ACOT7: variants seen among roughly 807,000 people sequenced by gnomAD.
ACOT7 encodes cytosolic acyl coenzyme A thioester hydrolase.
A neutral mutation model predicts 40.2 loss-of-function variants in ACOT7; 12 were observed. The observed-to-expected ratio is 0.30, with a 90% CI of 0.19 to 0.48. The LOEUF (loss-of-function observed/expected upper bound fraction) is 0.48, where lower values mean the gene tolerates loss of function less well. Among genes scored for constraint, ACOT7 ranks in the 20% least tolerant of loss-of-function variants. The pLI is 0.99. For missense variants in ACOT7, 395 were observed against 530.8 expected (o/e 0.74, Z 2.51); for synonymous variants, 228 against 219.5 (o/e 1.04, Z -0.34).
At chr1:6,328,618 G>A (rs1640870107) in intron 4 of ACOT7, among the ~76,000 whole-genome samples, 1 of 152,098 alleles carries the variant, frequency 6.6e-6, no homozygotes, top group Non-Finnish European at 1.5e-5. Flanking sequence ...GGAGATGGAG[G>A]TTGCAGTGAG....
intron 1 of ACOT7, among the ~76,000 whole-genome samples, chr1:6,372,476 T>A (rs911997782): frequency 6.6e-6 from 1 of 152,216 alleles, no homozygotes; most frequent in Non-Finnish European, 1.5e-5. Flanking sequence ...GGCTAACTGT[T>A]TGGCACACGA....
intron 5 of ACOT7, 117 bp from the exon 6 acceptor site, chr1:6,318,695 G>A (rs1486095014): frequency 5.1e-6 from 5 of 983,790 alleles, no homozygotes; most frequent in South Asian, 2.8e-5. Context: ...GTCCAAAGCC[G>A]GGTTCAGCTA....
Position 6,355,821 on chromosome 1 carries a change from G to A in ACOT7, c.144-5955C>T, listed in dbSNP as rs1050602332. Among the ~76,000 whole-genome samples the A allele has an allele frequency of 1.3e-5, 2 of 152,128 alleles. No homozygotes were observed. The highest frequency in any genetic ancestry group is 2.4e-5 in the African/African-American group (1 of 41,434). On this transcript the variant is annotated intron_variant, in intron 1 of 8. Transcript: ENST00000361521. This position sits in a 1 kb window ranked among gnomAD's most constrained non-coding sequence, Gnocchi z 5.0. ...AGCCCACATCCTCGCAGGACAGCCC[G>A]AGCCTGTTCCGCAGCGGGAGTGAGG...
At position 6,383,678 on chromosome 1, in the gene ACOT7, G is replaced by A. The variant is rs138597666; in HGVS notation, c.143+9579C>T. Among the ~76,000 whole-genome samples the A allele has an allele frequency of 1.7e-3, 259 of 151,286 alleles. 1 individual carries two copies. The highest frequency in any genetic ancestry group is 5.8e-3 in the African/African-American group (238 of 41,368). On this transcript the variant is annotated intron_variant, in intron 1 of 8. Transcript: ENST00000361521. ...AATCTCCTGAGTGGTTGAGACTACA[G>A]GCACACCCCACCTACCCTGCATCTG...
chr1:6,360,925 G>C (rs1015532839), intron 1 of ACOT7, among the ~76,000 whole-genome samples: 6 of 152,176 alleles, frequency 3.9e-5, no homozygotes, highest in African/African-American at 1.4e-4. Context: ...GCACTTCTCA[G>C]ATAGCTTAGC....
intron 1 of ACOT7, among the ~76,000 whole-genome samples, chr1:6,356,627 T>C (rs769702467): frequency 1.3e-5 from 2 of 151,990 alleles, no homozygotes; most frequent in Non-Finnish European, 2.9e-5. Flanking sequence ...GACACAAAAA[T>C]GTCAGTGCTG....
intron 7 of ACOT7, among the ~76,000 whole-genome samples, chr1:6,291,696 G>A (rs971637671): frequency 3.9e-5 from 6 of 152,130 alleles, no homozygotes; most frequent in East Asian, 1.9e-4. Context: ...TCTGGCCCTC[G>A]AGACCTCCTT....
intron 8 of ACOT7, among the ~76,000 whole-genome samples, chr1:6,272,311 G>A (rs1344438821): frequency 1.3e-5 from 2 of 152,242 alleles, no homozygotes; most frequent in Non-Finnish European, 2.9e-5. Flanking sequence ...AATAGGGATG[G>A]TCTTTATGTT....
chr1:6,377,663 T>C (rs1347669206), intron 1 of ACOT7, among the ~76,000 whole-genome samples: 1 of 152,094 alleles, frequency 6.6e-6, no homozygotes, highest in Non-Finnish European at 1.5e-5. Context: ...GACACCAAAG[T>C]GTAGTATCAA....
At chr1:6,315,162 A>G (rs990991896) in intron 6 of ACOT7, among the ~76,000 whole-genome samples, 1 of 152,186 alleles carries the variant, frequency 6.6e-6, no homozygotes, top group Non-Finnish European at 1.5e-5. Flanking sequence ...ACCTGTGTGG[A>G]AAGTCCTCAA....
chr1:6,334,700 G>A (rs907443838), intron 3 of ACOT7, among the ~76,000 whole-genome samples: 5 of 152,224 alleles, frequency 3.3e-5, no homozygotes, highest in Admixed American at 2.6e-4. Context: ...AAGGCTGTCC[G>A]TGCTGAGAAA....
At chr1:6,300,561 G>A (rs1009609234) in intron 6 of ACOT7, among the ~76,000 whole-genome samples, 3 of 138,310 alleles carry the variant, frequency 2.2e-5, no homozygotes, top group East Asian at 4.3e-4. Context: ...GACCCCACCC[G>A]ATCCTGATGC....
At chr1:6,382,352 C>T (rs964553417) in intron 1 of ACOT7, among the ~76,000 whole-genome samples, 12 of 151,616 alleles carry the variant, frequency 7.9e-5, no homozygotes, top group African/African-American at 2.9e-4. Flanking sequence ...TGCAGTGAGC[C>T]GAGATTGTGC....
At chr1:6,286,612 C>T (rs1007942954) in intron 7 of ACOT7, among the ~76,000 whole-genome samples, 1 of 152,210 alleles carries the variant, frequency 6.6e-6, no homozygotes. Flanking sequence ...TCAGTTTCCT[C>T]ATCTGCAAAT....
At chr1:6,392,878 G>A (rs1167909572) in intron 1 of ACOT7, among the ~76,000 whole-genome samples, 1 of 152,168 alleles carries the variant, frequency 6.6e-6, no homozygotes, top group African/African-American at 2.4e-5. Flanking sequence ...CGGGGCTGAG[G>A]CTCCGGGATG....
chr1:6,380,614 C>T (rs1337208334), intron 1 of ACOT7, among the ~76,000 whole-genome samples: 1 of 148,894 alleles, frequency 6.7e-6, no homozygotes, highest in Non-Finnish European at 1.5e-5. Flanking sequence ...AAGAAGACGA[C>T]CTCTCAATGG....
intron 6 of ACOT7, among the ~76,000 whole-genome samples, chr1:6,307,514 C>A (rs1313519401): frequency 1.3e-5 from 2 of 152,214 alleles, no homozygotes; most frequent in Non-Finnish European, 2.9e-5. Context: ...ACAGAGTGCT[C>A]ATGAGAGGTC....
intron 5 of ACOT7, among the ~76,000 whole-genome samples, chr1:6,324,274 C>T (rs570804383): frequency 4.6e-5 from 7 of 151,924 alleles, no homozygotes; most frequent in South Asian, 2.1e-4. Context: ...ATGGGACTTC[C>T]TAAGAAATAT....
intron 7 of ACOT7, among the ~76,000 whole-genome samples, chr1:6,287,889 T>C (rs190092634): frequency 5.3e-5 from 8 of 152,332 alleles, no homozygotes; most frequent in Non-Finnish European, 1.0e-4. Flanking sequence ...ATTTCTTACA[T>C]AACACACCCC....
Sources: allele counts gnomAD v4.1 joint callset (sites outside exome capture counted in the v4.1 genomes callset), GRCh38; gene constraint gnomAD v4.1.1; non-coding constraint Gnocchi (gnomAD v3.1); transcripts MANE v1.5; gene names NCBI Gene and HGNC (gene_info 2026-07-23, HGNC 2026-07-21).